Variants in HMX2 observed in about 807,000 individuals in gnomAD.
The protein encoded by HMX2 is homeobox protein HMX2.
Under a neutral mutation model 21.2 loss-of-function variants are expected in HMX2, and 15 were observed. That is an observed-to-expected ratio of 0.71 (90% CI 0.47 to 1.09). The LOEUF is 1.09. HMX2 is among the 50% of genes least tolerant of loss of function. The pLI is 0.00. For synonymous variants in HMX2, 193 were observed against 181.0 expected (o/e 1.07, Z -0.53); for missense variants, 440 against 381.5 (o/e 1.15, Z -1.28).
In HMX2 at chr10:123,149,713, G is replaced by C; in HGVS notation, c.412G>C (p.Asp138His). 1 of 1,559,182 alleles carries C rather than the reference G, an allele frequency of 6.4e-7. No homozygotes were observed. The highest frequency in any genetic ancestry group is 8.6e-7 in the Non-Finnish European group (1 of 1,158,006). Residue 138 changes from aspartate (D) to histidine (H), a missense_variant, in exon 2 of 2, where the codon GAC becomes CAC. Physicochemically the swap from Asp to His is moderately conservative, Grantham distance 81 (BLOSUM62 -1). Coordinates refer to ENST00000339992, the MANE Select transcript of HMX2 (RefSeq NM_005519.2). The surrounding 1 kb of genome is among the most constrained non-coding windows in gnomAD (Gnocchi z 5.4). The part of the protein sequence containing the change: ...SPSPGSERPR[D>H]GGAERQAGAA... ...CTCGCCGGGGTCCGAGCGGCCGCGGGACGGCGGCGCTGAGCGGCAGGCCGG... is the reference window on the plus strand; with the variant it reads ...CTCGCCGGGGTCCGAGCGGCCGCGGCACGGCGGCGCTGAGCGGCAGGCCGG...
rs2133558111 is a variant in HMX2 at position 123,148,657 on chromosome 10, C to T, written c.268+11C>T. ...CTTTTCCTTGCCTGGGTAAGGATCG[C>T]ACGTCGCCAGTGTGGCAGCGAGCGA... On this transcript the variant is annotated intron_variant, in intron 1 of 1. Transcript: ENST00000339992. The T allele has an allele frequency of 6.2e-7, 1 of 1,603,980 alleles. No individual in the cohort carries two copies. Among genetic ancestry groups the T allele is most frequent in the Admixed American group, 1.7e-5 (1 of 57,918 alleles).
Position 123,148,459 on chromosome 10 carries a change from C to T in HMX2, c.81C>T (p.Gly27=). The change falls in exon 1 of 2, where the codon GGC becomes GGT. Residue 27 remains glycine, a synonymous_variant. Transcript: ENST00000339992. ...VSSFTIQSIL[G]GGPSEAPREP... ...GCTTCACCATCCAGTCCATCCTGGG[C>T]GGGGGCCCCTCGGAGGCACCGCGGG... The T allele has an allele frequency of 6.2e-7, 1 of 1,613,044 alleles. No individual in the cohort carries two copies. Among genetic ancestry groups the T allele is most frequent in the Admixed American group, 1.7e-5 (1 of 59,902 alleles).
rs1254055982 is a variant in HMX2, at chr10:123,148,627, C to G, written c.249C>G (p.Pro83=). 1.9e-6 allele frequency: 3 copies of G among 1,610,564 alleles called. No individual in the cohort carries two copies. The highest frequency in any genetic ancestry group is 1.1e-5 in the South Asian group (1 of 90,544). ...AGCAGGGCCCCAAGCACCATCCCCCCATCCCTTTTCCTTGCCTGGGTAAGG... is the reference window on the plus strand; with the variant it reads ...AGCAGGGCCCCAAGCACCATCCCCCGATCCCTTTTCCTTGCCTGGGTAAGG... ...PKEQGPKHHP[P]IPFPCLGTPK... The change falls in exon 1 of 2, where the codon CCC becomes CCG. Residue 83 remains proline, a synonymous_variant. Coordinates refer to ENST00000339992, the MANE Select transcript of HMX2 (RefSeq NM_005519.2).
At position 123,150,002 on chromosome 10, in the gene HMX2, A is replaced by T; in HGVS notation, c.701A>T (p.Asp234Val). 6.2e-7 allele frequency: 1 copy of T among 1,610,544 alleles called. No homozygotes were observed. The highest frequency in any genetic ancestry group is 8.5e-7 in the Non-Finnish European group (1 of 1,179,206). Residue 234 changes from aspartate to valine, a missense_variant, in exon 2 of 2, where the codon GAC (aspartate) becomes GTC (valine). By Grantham distance (152) the Asp-to-Val change is radical. Coordinates refer to ENST00000339992, the MANE Select transcript of HMX2 (RefSeq NM_005519.2). This position sits in a 1 kb window ranked among gnomAD's most constrained non-coding sequence, Gnocchi z 4.2. ...TLVSMPLVFR[D>V]SSLLRVPVPR... Reference sequence around the variant, plus strand: ...GTGAGCATGCCGCTGGTGTTCCGGGACAGTTCGCTGCTGCGCGTGCCGGTG... The same window carrying T: ...GTGAGCATGCCGCTGGTGTTCCGGGTCAGTTCGCTGCTGCGCGTGCCGGTG...
chr10:123,150,034 TCGCTCGCCTTTCCCGCGC>T lies in HMX2; in HGVS notation c.739_756del (p.Ala247_Leu252del). 6.2e-7 allele frequency: 1 copy of T among 1,605,948 alleles called. No individual in the cohort carries two copies. Among genetic ancestry groups the T allele is most frequent in the Non-Finnish European group, 8.5e-7 (1 of 1,178,072 alleles). ...GCTGCTGCGCGTGCCGGTGCCGCGC[TCGCTCGCCTTTCCCGCGC>T]CGCTCTACTACCCGGGAAGCAACCT... On this transcript the variant is annotated inframe_deletion, in exon 2 of 2. Transcript: ENST00000339992. This position sits in a 1 kb window ranked among gnomAD's most constrained non-coding sequence, Gnocchi z 4.2.
In HMX2 at chr10:123,148,484, G is replaced by A. The variant is rs748272521; in HGVS notation, c.106G>A (p.Glu36Lys). 8.1e-6 allele frequency: 13 copies of A among 1,612,362 alleles called. No individual in the cohort carries two copies. Among genetic ancestry groups the A allele is most frequent in the Non-Finnish European group, 5.1e-6 (6 of 1,179,330 alleles). The stretch of plus-strand genomic sequence containing the variant: ...CGGGGGCCCCTCGGAGGCACCGCGG[G>A]AGCCCGTCGGCTGGCCAGCCAGGAA... ...LGGGPSEAPREPVGWPARKRS... is the reference protein window; with the variant it reads ...LGGGPSEAPRKPVGWPARKRS... The change falls in exon 1 of 2, where the codon GAG becomes AAG. Residue 36 changes from glutamate to lysine, a missense_variant. By Grantham distance (56) the Glu-to-Lys change is moderately conservative. Transcript: ENST00000339992.
rs1275109164 is a variant in HMX2, at chr10:123,149,012, C to T, written c.268+366C>T. ...CAAGTCGGGTCTGGGCAGTCTGTCT[C>T]CACCGTAATCTCTTTCTGAGTCTTC... On this transcript the variant is annotated intron_variant, in intron 1 of 1. Transcript: ENST00000339992. This position sits in a 1 kb window ranked among gnomAD's most constrained non-coding sequence, Gnocchi z 5.4. Among the ~76,000 whole-genome samples the T allele has an allele frequency of 6.6e-6, 1 of 152,234 alleles. No individual in the cohort carries two copies. The highest frequency in any genetic ancestry group is 1.5e-5 in the Non-Finnish European group (1 of 68,036).
At position 123,150,065 on chromosome 10, in the gene HMX2, C is replaced by G. The variant is rs1252157485; in HGVS notation, c.764C>G (p.Pro255Arg). 1 of 1,599,922 alleles carries G rather than the reference C, an allele frequency of 6.3e-7. No homozygotes were observed. The highest frequency in any genetic ancestry group is 8.5e-7 in the Non-Finnish European group (1 of 1,177,144). ...SLAFPAPLYY[P>R]GSNLSALPLY... ...GCCTTTCCCGCGCCGCTCTACTACCCGGGAAGCAACCTCTCGGCCTTACCT... is the reference window on the plus strand; with the variant it reads ...GCCTTTCCCGCGCCGCTCTACTACCGGGGAAGCAACCTCTCGGCCTTACCT... Residue 255 changes from proline (P) to arginine (R), a missense_variant, in exon 2 of 2, where the codon CCG becomes CGG. By Grantham distance (103) the Pro-to-Arg change is moderately radical. Coordinates refer to ENST00000339992, the MANE Select transcript of HMX2 (RefSeq NM_005519.2). The surrounding 1 kb of genome is among the most constrained non-coding windows in gnomAD (Gnocchi z 4.2).
chr10:123,148,295 C>A lies in HMX2; in HGVS notation c.-84C>A. ...CCTCCCCGCCCCTCCCCACTGCCTG[C>A]CTGCTGCACCACCTTCCACCCAGAT... On this transcript the variant is annotated 5_prime_UTR_variant, in exon 1 of 2. Coordinates refer to ENST00000339992, the MANE Select transcript of HMX2 (RefSeq NM_005519.2). 1 of 1,391,918 alleles carries A rather than the reference C, an allele frequency of 7.2e-7. No homozygotes were observed. The highest frequency in any genetic ancestry group is 9.9e-7 in the Non-Finnish European group (1 of 1,007,100). 86.2% of individuals were successfully genotyped at this position (1,391,918 alleles called of 1,614,324 possible).
chr10:123,148,581 C>G lies in HMX2; in HGVS notation c.203C>G (p.Pro68Arg). 1 of 1,613,392 alleles carries G rather than the reference C, an allele frequency of 6.2e-7. No homozygotes were observed. The highest frequency in any genetic ancestry group is 8.5e-7 in the Non-Finnish European group (1 of 1,179,840). ...TGGAAGGCGCCCGCCTGCTTCTGCCCAGACCAGCACGGCCCTAAGGAGCAG... is the reference window on the plus strand; with the variant it reads ...TGGAAGGCGCCCGCCTGCTTCTGCCGAGACCAGCACGGCCCTAAGGAGCAG... ...DGWKAPACFC[P>R]DQHGPKEQGP... Residue 68 changes from proline to arginine, a missense_variant, in exon 1 of 2, where the codon CCA becomes CGA. Physicochemically the swap from Pro to Arg is moderately radical, Grantham distance 103 (BLOSUM62 -2). Coordinates refer to ENST00000339992, the MANE Select transcript of HMX2 (RefSeq NM_005519.2).
At chr10:123,148,954 G>A (rs1444863082) in intron 1 of HMX2, among the ~76,000 whole-genome samples, 1 of 152,220 alleles carries the variant, frequency 6.6e-6, no homozygotes, top group Non-Finnish European at 1.5e-5. Context: ...TGCACATCTG[G>A]TACTTTCTTT....
Position 123,148,578 on chromosome 10 carries a change from G to A in HMX2, c.200G>A (p.Cys67Tyr). ...GGCTGGAAGGCGCCCGCCTGCTTCTGCCCAGACCAGCACGGCCCTAAGGAG... is the reference window on the plus strand; with the variant it reads ...GGCTGGAAGGCGCCCGCCTGCTTCTACCCAGACCAGCACGGCCCTAAGGAG... ...DDGWKAPACF[C>Y]PDQHGPKEQG... The change falls in exon 1 of 2, where the codon TGC becomes TAC. Residue 67 changes from cysteine (C) to tyrosine (Y), a missense_variant. Cys to Tyr is a radical substitution (Grantham distance 194). Coordinates refer to ENST00000339992, the MANE Select transcript of HMX2 (RefSeq NM_005519.2). 1 of 1,613,362 alleles carries A rather than the reference G, an allele frequency of 6.2e-7. No homozygotes were observed.
At chr10:123,148,885 G>C (rs1163541095) in intron 1 of HMX2, among the ~76,000 whole-genome samples, 1 of 152,210 alleles carries the variant, frequency 6.6e-6, no homozygotes, top group Admixed American at 6.5e-5. Flanking sequence ...GTTGTTGAGA[G>C]AGTGGACCAC....
At position 123,148,432 on chromosome 10, in the gene HMX2, C is replaced by T. The variant is rs1844223612; in HGVS notation, c.54C>T (p.Ser18=). The change falls in exon 1 of 2, where the codon TCC becomes TCT. Residue 18 remains serine (S), a synonymous_variant. Coordinates refer to ENST00000339992, the MANE Select transcript of HMX2 (RefSeq NM_005519.2). ...GKGCPAAGGV[S]SFTIQSILGG... The stretch of plus-strand genomic sequence containing the variant: ...GGTGTCCGGCGGCCGGTGGCGTCTC[C>T]AGCTTCACCATCCAGTCCATCCTGG... 6.2e-7 allele frequency: 1 copy of T among 1,613,108 alleles called. No individual in the cohort carries two copies. Among genetic ancestry groups the T allele is most frequent in the Non-Finnish European group, 8.5e-7 (1 of 1,179,672 alleles).
chr10:123,149,108 T>C lies in HMX2; in HGVS notation c.268+462T>C, dbSNP rs903769542. 3.9e-5 allele frequency among the ~76,000 whole-genome samples: 6 copies of C among 152,188 alleles called. No homozygotes were observed. The highest frequency in any genetic ancestry group is 7.3e-5 in the Non-Finnish European group (5 of 68,032). ...TGGAATGATTAGCACTCCAAGATGA[T>C]TGACAATGGTGCATTTCAGAGACGG... On this transcript the variant is annotated intron_variant, in intron 1 of 1. Coordinates refer to ENST00000339992, the MANE Select transcript of HMX2 (RefSeq NM_005519.2). The surrounding 1 kb of genome is among the most constrained non-coding windows in gnomAD (Gnocchi z 5.4).
Position 123,148,544 on chromosome 10 carries a change from C to A in HMX2, c.166C>A (p.Pro56Thr). Residue 56 changes from proline (P) to threonine (T), a missense_variant, in exon 1 of 2, where the codon CCG (proline) becomes ACG (threonine). Physicochemically the swap from Pro to Thr is conservative, Grantham distance 38. Coordinates refer to ENST00000339992, the MANE Select transcript of HMX2 (RefSeq NM_005519.2). ...GTCCGTGTCCTCGGAGGAGGAGGAG[C>A]CGGACGACGGCTGGAAGGCGCCCGC... ...SLSVSSEEEE[P>T]DDGWKAPACF... 1 of 1,613,052 alleles carries A rather than the reference C, an allele frequency of 6.2e-7. No homozygotes were observed. Among genetic ancestry groups the A allele is most frequent in the Middle Eastern group, 1.7e-4 (1 of 6,046 alleles).
rs1031935199 is a variant in HMX2 at position 123,149,921 on chromosome 10, A to G, written c.620A>G (p.Gln207Arg). 8 of 1,612,490 alleles carry G rather than the reference A, an allele frequency of 5.0e-6. No homozygotes were observed. Among genetic ancestry groups the G allele is most frequent in the Non-Finnish European group, 5.9e-6 (7 of 1,179,826 alleles). ...AACCGCCGCAACAAGTGGAAGCGGC[A>G]GCTCTCGGCTGAGCTGGAGGCGGCC... is the stretch of plus-strand genomic sequence containing the variant. ...FQNRRNKWKR[Q>R]LSAELEAANM... Residue 207 changes from glutamine to arginine, a missense_variant, in exon 2 of 2, where the codon CAG becomes CGG. Gln to Arg is a conservative substitution (Grantham distance 43). Transcript: ENST00000339992. This position sits in a 1 kb window ranked among gnomAD's most constrained non-coding sequence, Gnocchi z 5.4.
chr10:123,149,621 CT>C lies in HMX2; in HGVS notation c.323del (p.Phe108SerfsTer63). 2 of 1,497,856 alleles carry C rather than the reference CT, an allele frequency of 1.3e-6. No individual in the cohort carries two copies. The highest frequency in any genetic ancestry group is 1.8e-6 in the Non-Finnish European group (2 of 1,130,494). 92.8% of individuals were successfully genotyped at this position (1,497,856 alleles called of 1,614,324 possible). A position where few individuals can be genotyped will look rare whatever the true frequency, so the allele number is the denominator to read the frequency against. ...GSGPGGLERT[P>X]FLSPSHSDFK... ...GGCCCGGGCGGCTTGGAGCGCACGCCTTTCCTCTCTCCTTCGCACTCGGACT... is the reference window on the plus strand; with the variant it reads ...GGCCCGGGCGGCTTGGAGCGCACGCCTTCCTCTCTCCTTCGCACTCGGACT... On this transcript the variant is annotated frameshift_variant, in exon 2 of 2. Coordinates refer to ENST00000339992, the MANE Select transcript of HMX2 (RefSeq NM_005519.2). LOFTEE classifies it high-confidence loss of function. This position sits in a 1 kb window ranked among gnomAD's most constrained non-coding sequence, Gnocchi z 5.4.
Position 123,148,271 on chromosome 10 carries a change from CT to C in HMX2, c.-107del. 1 of 1,180,892 alleles carries C rather than the reference CT, an allele frequency of 8.5e-7. No homozygotes were observed. The highest frequency in any genetic ancestry group is 1.2e-6 in the Non-Finnish European group (1 of 819,978). 73.2% of individuals were successfully genotyped at this position (1,180,892 alleles called of 1,614,324 possible). ...TCGGCGCCCCCTCCCCCTAGATTTC[CT>C]CCCCGCCCCTCCCCACTGCCTGCCT... On this transcript the variant is annotated 5_prime_UTR_variant, in exon 1 of 2. Coordinates refer to ENST00000339992, the MANE Select transcript of HMX2 (RefSeq NM_005519.2).
Sources: gnomAD v4.1 joint callset for allele counts (sites outside exome capture counted in the v4.1 genomes callset) on GRCh38, gnomAD v4.1.1 for gene constraint, Gnocchi (gnomAD v3.1) non-coding constraint, MANE v1.5 for transcripts, NCBI Gene and HGNC (gene_info 2026-07-23, HGNC 2026-07-21) for gene names.